Variants in CHD9 observed in about 807,000 individuals in gnomAD.
CHD9 encodes the protein chromodomain helicase DNA binding protein 9.
In CHD9, 77 loss-of-function variants were observed where a neutral mutation model predicts 316.1. The ratio of observed to expected loss-of-function variants is 0.24; its 90% CI spans 0.20 to 0.29. The LOEUF (loss-of-function observed/expected upper bound fraction) is 0.29, where lower values mean the gene tolerates loss of function less well. Ranked by LOEUF, CHD9 falls within the 10% of genes least tolerant of loss-of-function variation. CHD9 has a pLI of 1.00. For synonymous variants in CHD9, 1,129 were observed against 1,158.3 expected, an observed-to-expected ratio of 0.97 and a Z score of 0.51; for missense variants, 2,763 against 3,438.1, an observed-to-expected ratio of 0.80 and a Z score of 4.91.
In CHD9 at chr16:53,188,918, A is replaced by G. The variant is rs145517522; in HGVS notation, c.1453-20564A>G. On this transcript the variant is annotated intron_variant, in intron 2 of 38. Transcript: ENST00000447540. ...TTTTTTTAGAGAAATGTCTATTCAG[A>G]TCTTTTGCCCATATTTAAATTGGGT... 9.8e-4 allele frequency among the ~76,000 whole-genome samples: 148 copies of G among 151,604 alleles called. 1 individual carries two copies. The highest frequency in any genetic ancestry group is 3.5e-3 in the African/African-American group (144 of 41,356).
At chr16:53,292,456 T>C (rs2054421796) in intron 28 of CHD9, among the ~76,000 whole-genome samples, 1 of 152,240 alleles carries the variant, frequency 6.6e-6, no homozygotes, top group Non-Finnish European at 1.5e-5. Flanking sequence ...CTAATTAAAC[T>C]GAGATAAACT....
intron 2 of CHD9, among the ~76,000 whole-genome samples, chr16:53,182,917 A>T (rs975095414): frequency 2.6e-5 from 4 of 152,192 alleles, no homozygotes; most frequent in Non-Finnish European, 2.9e-5. Flanking sequence ...TCATATATGT[A>T]TGAATGTGTG....
intron 1 of CHD9, among the ~76,000 whole-genome samples, chr16:53,144,938 G>C (rs183746479): frequency 6.0e-5 from 9 of 148,812 alleles, no homozygotes; most frequent in Non-Finnish European, 8.9e-5. Flanking sequence ...GCTGCAGTGA[G>C]CTATGATCAT....
At chr16:53,118,734 T>C (rs1004108117) in intron 1 of CHD9, among the ~76,000 whole-genome samples, 6 of 151,572 alleles carry the variant, frequency 4.0e-5, no homozygotes, top group African/African-American at 1.5e-4. Flanking sequence ...TTAGATATCA[T>C]AATGATGTCT....
At chr16:53,166,179 T>C (rs2042256661) in intron 2 of CHD9, among the ~76,000 whole-genome samples, 1 of 152,198 alleles carries the variant, frequency 6.6e-6, no homozygotes, top group Non-Finnish European at 1.5e-5. Context: ...TAGCTAGTTC[T>C]GAAATACATC....
chr16:53,068,849 G>A (rs189164706), intron 1 of CHD9, among the ~76,000 whole-genome samples: 1 of 152,348 alleles, frequency 6.6e-6, no homozygotes, highest in East Asian at 1.9e-4. Context: ...TAACTGGGCA[G>A]CCTCTGTGGG....
At chr16:53,191,090 T>G (rs1453482712) in intron 2 of CHD9, among the ~76,000 whole-genome samples, 4 of 152,152 alleles carry the variant, frequency 2.6e-5, no homozygotes, top group African/African-American at 4.8e-5. Flanking sequence ...TATGCCCCAT[T>G]GCAGGTAGTC....
At chr16:53,219,607 G>A (rs1326392887) in intron 3 of CHD9, among the ~76,000 whole-genome samples, 1 of 152,146 alleles carries the variant, frequency 6.6e-6, no homozygotes, top group African/African-American at 2.4e-5. Context: ...AAAGGAAACA[G>A]TTACACGTTA....
intron 2 of CHD9, among the ~76,000 whole-genome samples, chr16:53,188,602 CTTTTTTTTT>C (rs369979479): frequency 1.3e-4 from 9 of 71,236 alleles, no homozygotes; most frequent in Non-Finnish European, 2.2e-4. Context: ...TGGTCATTAC[CTTTTTTTTT>C]TTTTTTTTTT....
At chr16:53,319,947 A>T in intron 37 of CHD9, 1 of 678,346 alleles carries the variant, frequency 1.5e-6, no homozygotes, top group Non-Finnish European at 2.0e-6. Flanking sequence ...AATTACAGAG[A>T]CTAAGTAAAT....
intron 2 of CHD9, among the ~76,000 whole-genome samples, chr16:53,172,880 A>G (rs1334890366): frequency 6.6e-6 from 1 of 151,746 alleles, no homozygotes; most frequent in African/African-American, 2.4e-5. Context: ...TTGATTTGTT[A>G]TTGTGTTGTA....
At chr16:53,216,437 T>C (rs1369341098) in intron 3 of CHD9, among the ~76,000 whole-genome samples, 2 of 152,230 alleles carry the variant, frequency 1.3e-5, no homozygotes, top group Non-Finnish European at 2.9e-5. Flanking sequence ...TTTGTCATTA[T>C]GTTAATTGAT....
intron 30 of CHD9, chr16:53,298,820 C>T (rs1159930993): frequency 6.3e-6 from 1 of 158,166 alleles, no homozygotes; most frequent in Non-Finnish European, 1.4e-5. Context: ...AGTGTGTGCA[C>T]TATTGCACTT....
chr16:53,307,936 AC>A lies in CHD9; in HGVS notation c.7037del (p.Thr2346LysfsTer2). On this transcript the variant is annotated frameshift_variant, in exon 33 of 39. Coordinates refer to ENST00000447540, the MANE Select transcript of CHD9 (RefSeq NM_001308319.2). LOFTEE classifies it high-confidence loss of function. ...GAAGCATGTACGAGAAAAGGAGTTT[AC>A]AGTGAAAATCAAAGACGTATGTGTA... is the stretch of plus-strand genomic sequence containing the variant. ...VKKHVREKEF[T>X]VKIKDEGGLK... The A allele has an allele frequency of 6.2e-7, 1 of 1,607,416 alleles. No homozygotes were observed. The highest frequency in any genetic ancestry group is 8.5e-7 in the Non-Finnish European group (1 of 1,176,870).
chr16:53,127,162 A>G (rs989220175), intron 1 of CHD9, among the ~76,000 whole-genome samples: 2 of 151,852 alleles, frequency 1.3e-5, no homozygotes, highest in Non-Finnish European at 1.5e-5. Flanking sequence ...AGGTTTTACC[A>G]TATTGCCCAG....
intron 3 of CHD9, among the ~76,000 whole-genome samples, chr16:53,217,241 C>T (rs529968955): frequency 3.3e-4 from 50 of 152,148 alleles, no homozygotes; most frequent in Non-Finnish European, 5.6e-4. Flanking sequence ...GGCATTTTCT[C>T]ATAAAGAATC....
At chr16:53,259,250 T>C (rs1010007322) in intron 19 of CHD9, among the ~76,000 whole-genome samples, 6 of 152,190 alleles carry the variant, frequency 3.9e-5, no homozygotes, top group Non-Finnish European at 8.8e-5. Flanking sequence ...TTTAAAATTG[T>C]TTTATTTGTA....
At chr16:53,117,507 T>C (rs1466383535) in intron 1 of CHD9, among the ~76,000 whole-genome samples, 1 of 151,944 alleles carries the variant, frequency 6.6e-6, no homozygotes, top group Non-Finnish European at 1.5e-5. Flanking sequence ...CTCTGCCTCC[T>C]GGGTTCAAGT....
In CHD9 at chr16:53,326,342, A is replaced by G. The variant is rs532899927; in HGVS notation, c.*1447A>G. On this transcript the variant is annotated 3_prime_UTR_variant, in exon 39 of 39. Transcript: ENST00000447540. ...AGTTAGTAGTAAAGTCTGCAAGGGC[A>G]TAAATTTAGGGGGAAAAAGTGTCCC... 28 of 152,656 alleles carry G rather than the reference A, an allele frequency of 1.8e-4. No individual in the cohort carries two copies. Among genetic ancestry groups the G allele is most frequent in the African/African-American group, 6.7e-4 (28 of 41,576 alleles). 9.5% of individuals were successfully genotyped at this position (152,656 alleles called of 1,614,324 possible). A position where few individuals can be genotyped will look rare whatever the true frequency, so the allele number is the denominator to read the frequency against.
Sources: gnomAD v4.1 joint callset for allele counts (sites outside exome capture counted in the v4.1 genomes callset) on GRCh38, gnomAD v4.1.1 for gene constraint, MANE v1.5 for transcripts, NCBI Gene and HGNC (gene_info 2026-07-23, HGNC 2026-07-21) for gene names.